SLC8A1: variants seen among roughly 807,000 people sequenced by gnomAD.
SLC8A1 encodes solute carrier family 8 member A1, also known as sodium/calcium exchanger 1.
SLC8A1 carries 18 observed loss-of-function variants against 68.3 expected under a neutral mutation model. The observed-to-expected ratio is 0.26, with a 90% CI of 0.18 to 0.39. The LOEUF is 0.39. Among genes scored for constraint, SLC8A1 ranks in the 10% least tolerant of loss-of-function variants. The pLI, the probability that SLC8A1 is intolerant of heterozygous loss-of-function variation, is 1.00. For synonymous variants in SLC8A1, 475 were observed against 415.5 expected, an observed-to-expected ratio of 1.14 and a Z score of -1.74; for missense variants, 985 against 1,156.7, an observed-to-expected ratio of 0.85 and a Z score of 2.15.
exon 8 of SLC8A1, chr2:40,115,509 G>A: frequency 1.2e-6 from 2 of 1,614,210 alleles, no homozygotes; most frequent in Non-Finnish European, 1.7e-6. Context: ...GTAGATGGCA[G>A]CGATGGACCA....
chr2:40,374,748 G>A lies in SLC8A1; in HGVS notation c.1808+53725C>T, dbSNP rs188052230. On this transcript the variant is annotated intron_variant, in intron 2 of 7. Transcript: ENST00000406785. The stretch of plus-strand genomic sequence containing the variant: ...GGCTGTATCAGCCTGGCCTGATACA[G>A]CCTCTAAAAGATTATTCTAGAGGCT... Among the ~76,000 whole-genome samples, 403 of 152,094 alleles carry A rather than the reference G, an allele frequency of 2.6e-3. 2 individuals are homozygous for A. Among genetic ancestry groups the A allele is most frequent in the Non-Finnish European group, 3.3e-3 (224 of 67,962 alleles).
At chr2:40,417,870 TAC>T (rs70957174) in intron 2 of SLC8A1, among the ~76,000 whole-genome samples, 87 of 146,698 alleles carry the variant, frequency 5.9e-4, no homozygotes, top group Admixed American at 6.1e-4. Context: ...CTTGGATGGA[TAC>T]ACACACACAC....
intron 1 of SLC8A1, among the ~76,000 whole-genome samples, chr2:40,463,390 T>G (rs1703456949): frequency 6.6e-6 from 1 of 152,170 alleles, no homozygotes; most frequent in Non-Finnish European, 1.5e-5. Flanking sequence ...TTGTCGGAAT[T>G]AATTTTTTGC....
chr2:40,177,734 C>CTTTGT, intron 3 of SLC8A1: 1 of 1,463,402 alleles, frequency 6.8e-7, no homozygotes, highest in Non-Finnish European at 9.4e-7. Context: ...GCTGGTATGT[C>CTTTGT]TTTGTTTACT....
At chr2:40,364,747 C>T (rs1158161885) in intron 2 of SLC8A1, among the ~76,000 whole-genome samples, 1 of 152,054 alleles carries the variant, frequency 6.6e-6, no homozygotes, top group Non-Finnish European at 1.5e-5. Context: ...GAGAAGCCTG[C>T]CCTCCTGGAA....
chr2:40,253,058 CATGTAT>C (rs1440572213), intron 2 of SLC8A1, among the ~76,000 whole-genome samples: 2 of 76,742 alleles, frequency 2.6e-5, no homozygotes, highest in Admixed American at 2.9e-4. Flanking sequence ...TATATATGTA[CATGTAT>C]ATACTATATA....
At chr2:40,198,633 G>A (rs2053544416) in intron 2 of SLC8A1, among the ~76,000 whole-genome samples, 1 of 151,830 alleles carries the variant, frequency 6.6e-6, no homozygotes, top group Non-Finnish European at 1.5e-5. Context: ...CAGATAACAA[G>A]GAGAATAAAA....
intron 1 of SLC8A1, among the ~76,000 whole-genome samples, chr2:40,449,864 G>A (rs1455422136): frequency 6.6e-6 from 1 of 151,944 alleles, no homozygotes; most frequent in East Asian, 1.9e-4. Flanking sequence ...CCTTTTTGTT[G>A]CTGTTGTTTT....
chr2:40,376,249 T>C lies in SLC8A1; in HGVS notation c.1808+52224A>G, dbSNP rs74749332. Among the ~76,000 whole-genome samples the C allele has an allele frequency of 1.8e-3, 276 of 152,246 alleles. 5 individuals are homozygous for C. The highest frequency in any genetic ancestry group is 0.018 in the South Asian group (87 of 4,824). ...AGCATCTAACAATGTACAATTTACA[T>C]TGTACCTCAACGGTTTCTGTCTCAG... is the stretch of plus-strand genomic sequence containing the variant. On this transcript the variant is annotated intron_variant, in intron 2 of 7. Coordinates refer to ENST00000406785, the Ensembl canonical transcript of SLC8A1.
chr2:40,204,759 C>G (rs1212997630), intron 2 of SLC8A1, among the ~76,000 whole-genome samples: 1 of 152,004 alleles, frequency 6.6e-6, no homozygotes, highest in Non-Finnish European at 1.5e-5. Context: ...ATATATCCAA[C>G]ATATCATAAT....
intron 6 of SLC8A1, among the ~76,000 whole-genome samples, chr2:40,141,954 G>A (rs1017487370): frequency 1.2e-4 from 19 of 152,092 alleles, no homozygotes; most frequent in African/African-American, 2.9e-4. Context: ...AGGAGAAATC[G>A]AACCTGCCAA....
chr2:40,280,520 C>T (rs953730310), intron 2 of SLC8A1, among the ~76,000 whole-genome samples: 12 of 152,128 alleles, frequency 7.9e-5, no homozygotes, highest in Admixed American at 3.3e-4. Flanking sequence ...CTGATAAGCA[C>T]ACAAATTGCA....
intron 2 of SLC8A1, among the ~76,000 whole-genome samples, chr2:40,210,452 C>A (rs888670771): frequency 6.6e-6 from 1 of 152,142 alleles, no homozygotes; most frequent in Admixed American, 6.5e-5. Flanking sequence ...AATAGACTGG[C>A]ATGACTTTTA....
chr2:40,164,280 A>C (rs774551644), intron 5 of SLC8A1, among the ~76,000 whole-genome samples: 74 of 152,310 alleles, frequency 4.9e-4, no homozygotes, highest in Non-Finnish European at 9.3e-4. Flanking sequence ...GAGAACTGAG[A>C]ATCCAATTTT....
chr2:40,144,923 G>T (rs1320892805), intron 6 of SLC8A1, among the ~76,000 whole-genome samples: 1 of 152,122 alleles, frequency 6.6e-6, no homozygotes, highest in African/African-American at 2.4e-5. Context: ...TTTTTCCTGT[G>T]ACAAGAGCAG....
intron 7 of SLC8A1, among the ~76,000 whole-genome samples, chr2:40,126,911 G>A (rs1045182304): frequency 3.3e-5 from 5 of 152,164 alleles, no homozygotes; most frequent in Non-Finnish European, 7.3e-5. Context: ...GTACATAGTG[G>A]GGGCTCCTTA....
chr2:40,261,679 A>C (rs2064720590), intron 2 of SLC8A1, among the ~76,000 whole-genome samples: 1 of 152,134 alleles, frequency 6.6e-6, no homozygotes, highest in Non-Finnish European at 1.5e-5. Flanking sequence ...CTATGCCTTT[A>C]TTTGCATACA....
chr2:40,161,964 T>C (rs2148457762), intron 5 of SLC8A1, among the ~76,000 whole-genome samples: 1 of 152,324 alleles, frequency 6.6e-6, no homozygotes, highest in East Asian at 1.9e-4. Flanking sequence ...AAATGCTATC[T>C]AAAGGGCTTG....
chr2:40,130,623 T>C (rs2039134574), intron 7 of SLC8A1, among the ~76,000 whole-genome samples: 1 of 152,250 alleles, frequency 6.6e-6, no homozygotes, highest in East Asian at 1.9e-4. Context: ...TATTAGAGTA[T>C]GTGAAAACAA....
Sources: gnomAD v4.1 joint callset for allele counts (sites outside exome capture counted in the v4.1 genomes callset) on GRCh38, gnomAD v4.1.1 for gene constraint, MANE v1.5 for transcripts, NCBI Gene and HGNC (gene_info 2026-07-23, HGNC 2026-07-21) for gene names.